GLI2: variants seen among roughly 807,000 people sequenced by gnomAD.
GLI2 encodes GLI family zinc finger 2.
In GLI2, 22 loss-of-function variants were observed where a neutral mutation model predicts 78.9. The observed-to-expected ratio is 0.28, with a 90% CI of 0.20 to 0.40. The LOEUF (loss-of-function observed/expected upper bound fraction) is 0.40, where lower values mean the gene tolerates loss of function less well. Ranked by LOEUF, GLI2 falls within the 10% of genes least tolerant of loss-of-function variation. GLI2 has a pLI of 1.00. For synonymous variants in GLI2, 974 were observed against 963.7 expected, an observed-to-expected ratio of 1.01 and a Z score of -0.20; for missense variants, 2,097 against 2,213.2, an observed-to-expected ratio of 0.95 and a Z score of 1.05.
At chr2:120,766,964 C>CG (rs1683382589) in intron 1 of GLI2, among the ~76,000 whole-genome samples, 1 of 152,148 alleles carries the variant, frequency 6.6e-6, no homozygotes, top group Admixed American at 6.5e-5. Context: ...CTGGGGAAAC[C>CG]GACAGGCCAC....
At chr2:120,909,966 A>G (rs1441191707) in intron 2 of GLI2, among the ~76,000 whole-genome samples, 1 of 152,216 alleles carries the variant, frequency 6.6e-6, no homozygotes, top group Non-Finnish European at 1.5e-5. Context: ...GATTTATTCC[A>G]TAAGGGACCG....
intron 2 of GLI2, among the ~76,000 whole-genome samples, chr2:120,898,216 A>ACACACACACAC (rs1558867030): frequency 6.0e-5 from 9 of 151,198 alleles, no homozygotes; most frequent in African/African-American, 1.5e-4. Flanking sequence ...ACACACACAC[A>ACACACACACAC]AAATGATTGT....
chr2:120,968,242 T>C (rs1199217632), intron 5 of GLI2, among the ~76,000 whole-genome samples: 2 of 152,174 alleles, frequency 1.3e-5, no homozygotes, highest in Non-Finnish European at 2.9e-5. Flanking sequence ...GAAGCCAGGA[T>C]AGCAGCTGCC....
In GLI2 at chr2:120,984,736, G is replaced by T; in HGVS notation, c.1898G>T (p.Ser633Ile). The change falls in exon 12 of 14, where the codon AGC becomes ATC. Residue 633 changes from serine (S) to isoleucine (I), a missense_variant. Coordinates refer to ENST00000361492, the MANE Select transcript of GLI2 (RefSeq NM_001374353.1). ...CLHVRAIKTE[S>I]SGLCQSSPGA... ...CACGTCAGAGCCATCAAGACCGAGA[G>T]CTCCGGGGTAAGCGGAGCTGGGCAG... 1 of 1,612,560 alleles carries T rather than the reference G, an allele frequency of 6.2e-7. No homozygotes were observed. Among genetic ancestry groups the T allele is most frequent in the South Asian group, 1.1e-5 (1 of 91,060 alleles).
intron 1 of GLI2, among the ~76,000 whole-genome samples, chr2:120,786,043 C>T (rs1298505411): frequency 2.0e-5 from 3 of 152,194 alleles, no homozygotes; most frequent in Admixed American, 6.5e-5. Context: ...GTTAGAAACA[C>T]GTGGTCTGGG....
chr2:120,827,867 G>A (rs751212078), intron 2 of GLI2, among the ~76,000 whole-genome samples: 1 of 152,212 alleles, frequency 6.6e-6, no homozygotes, highest in Non-Finnish European at 1.5e-5. Flanking sequence ...GTGATTGCCA[G>A]GGGCCGGAGG....
At chr2:120,746,306 C>T (rs1273685692) in intron 1 of GLI2, among the ~76,000 whole-genome samples, 3 of 152,158 alleles carry the variant, frequency 2.0e-5, no homozygotes, top group Non-Finnish European at 1.5e-5. Context: ...CAGTGAGAAG[C>T]GAAGCTCCCA....
In GLI2 at chr2:120,968,854, A is replaced by C; in HGVS notation, c.784A>C (p.Asn262His). ...SPNSLVAYIN[N>H]SRSSSAASGS... Reference sequence around the variant, plus strand: ...CAACTCGCTAGTGGCCTACATCAACAACTCCCGAAGCAGCTCGGCGGCCAG... The same window carrying C: ...CAACTCGCTAGTGGCCTACATCAACCACTCCCGAAGCAGCTCGGCGGCCAG... The change falls in exon 6 of 14, where the codon AAC becomes CAC. Residue 262 changes from asparagine to histidine, a missense_variant. Physicochemically the swap from Asn to His is moderately conservative, Grantham distance 68. This residue lies in a region of GLI2 where 578 missense variants were observed against 612.0 expected (regional missense o/e 0.94). Coordinates refer to ENST00000361492, the MANE Select transcript of GLI2 (RefSeq NM_001374353.1). The C allele has an allele frequency of 6.2e-7, 1 of 1,613,748 alleles. No homozygotes were observed. The highest frequency in any genetic ancestry group is 8.5e-7 in the Non-Finnish European group (1 of 1,179,974).
chr2:120,975,804 G>A (rs533540970), intron 9 of GLI2, among the ~76,000 whole-genome samples: 1 of 152,288 alleles, frequency 6.6e-6, no homozygotes, highest in African/African-American at 2.4e-5. Flanking sequence ...GCAGAGGCTT[G>A]GCACGGGAGA....
intron 2 of GLI2, among the ~76,000 whole-genome samples, chr2:120,827,187 C>T (rs1027887221): frequency 1.3e-5 from 2 of 152,192 alleles, no homozygotes; most frequent in Non-Finnish European, 2.9e-5. Context: ...TGCCCAGACC[C>T]GTGGCTGTCT....
intron 2 of GLI2, among the ~76,000 whole-genome samples, chr2:120,850,781 G>A (rs1687370147): frequency 6.6e-6 from 1 of 152,182 alleles, no homozygotes; most frequent in African/African-American, 2.4e-5. Context: ...CGAGAGGCAG[G>A]GGTTGGCCTT....
rs1683256691 is a variant in GLI2 at position 120,990,620 on chromosome 2, G to A, written c.4655G>A (p.Ser1552Asn). ...GISNMAVGDM[S>N]SMLTSLAEES... The stretch of plus-strand genomic sequence containing the variant: ...AGCAACATGGCTGTCGGGGACATGA[G>A]CTCCATGCTCACCAGCCTCGCCGAG... The change falls in exon 14 of 14, where the codon AGC (serine) becomes AAC (asparagine). Residue 1552 changes from serine to asparagine, a missense_variant. Ser to Asn is a conservative substitution (Grantham distance 46). Around this residue, in one of 5 missense-constraint regions of GLI2, gnomAD observed 1,290 missense variants for 1,261.7 expected, o/e 1.02. Transcript: ENST00000361492. The A allele has an allele frequency of 6.2e-7, 1 of 1,613,580 alleles. No individual in the cohort carries two copies. Among genetic ancestry groups the A allele is most frequent in the Non-Finnish European group, 8.5e-7 (1 of 1,179,756 alleles).
rs920554403 is a variant in GLI2 at position 120,800,093 on chromosome 2, T to C, written c.148+2625T>C. On this transcript the variant is annotated intron_variant, in intron 2 of 13. Transcript: ENST00000361492. The surrounding 1 kb of genome is among the most constrained non-coding windows in gnomAD (Gnocchi z 4.1). ...AGCGTTTGCTGCAGCCACTGAGGAG[T>C]TGGGCACTCAGCCATCAGGCACAGG... 6.6e-6 allele frequency among the ~76,000 whole-genome samples: 1 copy of C among 151,726 alleles called. No homozygotes were observed. The highest frequency in any genetic ancestry group is 1.5e-5 in the Non-Finnish European group (1 of 67,930).
rs6756276 is a variant in GLI2, at chr2:120,911,690, A to G, written c.149-15671A>G. On this transcript the variant is annotated intron_variant, in intron 2 of 13. Transcript: ENST00000361492. ...CTGGGCTGGTCGTTGACTCAGAGGA[A>G]ATGGTGTGGAGGGAGTATCGTCTGC... is the stretch of plus-strand genomic sequence containing the variant. Among the ~76,000 whole-genome samples, 1,251 of 152,080 alleles carry G rather than the reference A, an allele frequency of 8.2e-3. 17 individuals are homozygous for G. The highest frequency in any genetic ancestry group is 0.028 in the African/African-American group (1,151 of 41,478).
At chr2:120,933,709 C>A (rs1680052578) in intron 3 of GLI2, among the ~76,000 whole-genome samples, 1 of 152,214 alleles carries the variant, frequency 6.6e-6, no homozygotes, top group South Asian at 2.1e-4. Flanking sequence ...TGTGGTCACA[C>A]AAGCATGAGT....
At chr2:120,908,987 A>G (rs983830556) in intron 2 of GLI2, among the ~76,000 whole-genome samples, 2 of 152,170 alleles carry the variant, frequency 1.3e-5, no homozygotes, top group East Asian at 3.9e-4. Flanking sequence ...TCCCTGACCC[A>G]GGGTGGGGAA....
At chr2:120,971,352 G>A (rs1237621503) in intron 7 of GLI2, among the ~76,000 whole-genome samples, 1 of 152,234 alleles carries the variant, frequency 6.6e-6, no homozygotes, top group African/African-American at 2.4e-5. Flanking sequence ...ACCAGCAAAT[G>A]GCAAAGCCTG....
chr2:120,890,488 CACAT>C (rs1677626965), intron 2 of GLI2, among the ~76,000 whole-genome samples: 1 of 152,066 alleles, frequency 6.6e-6, no homozygotes, highest in African/African-American at 2.4e-5. Flanking sequence ...CATACACATT[CACAT>C]ACATACATAC....
intron 7 of GLI2, among the ~76,000 whole-genome samples, chr2:120,971,453 C>T (rs986896885): frequency 6.6e-6 from 1 of 152,246 alleles, no homozygotes; most frequent in Non-Finnish European, 1.5e-5. Flanking sequence ...CACCCCAGGG[C>T]TCCTGGTGGC....
Sources: allele counts gnomAD v4.1 joint callset (sites outside exome capture counted in the v4.1 genomes callset), GRCh38; gene constraint gnomAD v4.1.1; regional missense constraint gnomAD v4.1.1; non-coding constraint Gnocchi (gnomAD v3.1); transcripts MANE v1.5; gene names NCBI Gene and HGNC (gene_info 2026-07-23, HGNC 2026-07-21).